Variants in SUGCT observed in about 807,000 individuals in gnomAD.
SUGCT encodes succinyl-CoA:glutarate CoA-transferase.
SUGCT carries 41 observed loss-of-function variants against 55.0 expected under a neutral mutation model. That is an observed-to-expected ratio of 0.74 (90% CI 0.58 to 0.97). SUGCT has a LOEUF of 0.97. Among genes scored for constraint, SUGCT ranks in the 50% least tolerant of loss-of-function variants. The probability of loss-of-function intolerance (pLI) is 0.00; values close to 1 mark genes in which losing one functional copy is unlikely to be tolerated. For synonymous variants in SUGCT, 187 were observed against 200.4 expected (o/e 0.93, Z 0.56); for missense variants, 568 against 547.8 (o/e 1.04, Z -0.37).
At chr7:40,876,987 T>C in the SUGCT span, among the ~76,000 whole-genome samples, 1 of 152,212 alleles carries the variant, frequency 6.6e-6, no homozygotes, top group Non-Finnish European at 1.5e-5. Flanking sequence ...AAAGCCTTTC[T>C]CTTCTTTAAT....
intron 9 of SUGCT, among the ~76,000 whole-genome samples, chr7:40,320,834 T>TA (rs1795686746): frequency 6.6e-6 from 1 of 152,220 alleles, no homozygotes; most frequent in Non-Finnish European, 1.5e-5. Flanking sequence ...GCAGGTTTGT[T>TA]ACATGCAAAT....
At chr7:40,621,915 T>C (rs149615586) in intron 12 of SUGCT, among the ~76,000 whole-genome samples, 207 of 152,222 alleles carry the variant, frequency 1.4e-3, no homozygotes, top group African/African-American at 4.8e-3. Context: ...ATTCTTACAT[T>C]CCCTCCCCCA....
intron 4 of SUGCT, among the ~76,000 whole-genome samples, chr7:40,189,100 T>C (rs1486615934): frequency 1.3e-5 from 2 of 152,204 alleles, no homozygotes; most frequent in African/African-American, 4.8e-5. Flanking sequence ...TCCCAGCACT[T>C]TGGGTGGCTG....
At chr7:40,449,469 T>C (rs1297663807) in intron 10 of SUGCT, 111 bp downstream of exon 10, 8 of 738,902 alleles carry the variant, frequency 1.1e-5, no homozygotes, top group Admixed American at 6.3e-5. Flanking sequence ...ACTAAAAGTA[T>C]AGGATATTCA....
At chr7:40,588,916 AT>A (rs1325700437) in intron 12 of SUGCT, among the ~76,000 whole-genome samples, 2 of 152,188 alleles carry the variant, frequency 1.3e-5, no homozygotes, top group African/African-American at 2.4e-5. Context: ...AGTAATATGC[AT>A]ACATTTGCAG....
intron 12 of SUGCT, among the ~76,000 whole-genome samples, chr7:40,715,201 C>T (rs761585704): frequency 1.8e-4 from 27 of 152,154 alleles, no homozygotes; most frequent in Non-Finnish European, 3.2e-4. Context: ...CATTCTTGAA[C>T]GATCTATTCA....
At chr7:40,179,211 A>G (rs1210290010) in intron 1 of SUGCT, among the ~76,000 whole-genome samples, 1 of 152,180 alleles carries the variant, frequency 6.6e-6, no homozygotes, top group Non-Finnish European at 1.5e-5. Flanking sequence ...CTATTGCCAT[A>G]TAACAAACCA....
At chr7:40,560,066 T>TA (rs1795755357) in intron 12 of SUGCT, among the ~76,000 whole-genome samples, 1 of 152,214 alleles carries the variant, frequency 6.6e-6, no homozygotes, top group South Asian at 2.1e-4. Flanking sequence ...TTATCCTATT[T>TA]AAAATATCTT....
chr7:40,938,723 C>T, the SUGCT span, among the ~76,000 whole-genome samples: 2 of 152,102 alleles, frequency 1.3e-5, no homozygotes, highest in Non-Finnish European at 2.9e-5. Context: ...TCCCACTCTT[C>T]CCACCAAGTC....
At chr7:40,800,053 G>A (rs898407244) in intron 13 of SUGCT, among the ~76,000 whole-genome samples, 1 of 152,248 alleles carries the variant, frequency 6.6e-6, no homozygotes. Context: ...GCAGACGTTT[G>A]TTTTCATTTC....
chr7:41,033,990 CAA>C, the SUGCT span, among the ~76,000 whole-genome samples: 2 of 152,198 alleles, frequency 1.3e-5, no homozygotes, highest in East Asian at 1.9e-4. Context: ...TGTCAAAATG[CAA>C]AGTTTCTGTC....
At chr7:40,374,239 T>C (rs1379739565) in intron 9 of SUGCT, among the ~76,000 whole-genome samples, 2 of 152,164 alleles carry the variant, frequency 1.3e-5, no homozygotes, top group Admixed American at 1.3e-4. Flanking sequence ...AAATCCACAA[T>C]TACAGTTTGA....
intron 12 of SUGCT, among the ~76,000 whole-genome samples, chr7:40,502,350 A>G (rs1792327245): frequency 6.6e-6 from 1 of 152,042 alleles, no homozygotes; most frequent in African/African-American, 2.4e-5. Flanking sequence ...ATTTGGGGGC[A>G]TTTTGCAACC....
At chr7:40,406,409 G>A (rs985519320) in intron 9 of SUGCT, among the ~76,000 whole-genome samples, 1 of 152,136 alleles carries the variant, frequency 6.6e-6, no homozygotes, top group African/African-American at 2.4e-5. Context: ...TGGTCCCCAA[G>A]CAAGGATGGG....
intron 13 of SUGCT, among the ~76,000 whole-genome samples, chr7:40,780,085 A>G (rs1056112694): frequency 6.6e-6 from 1 of 152,070 alleles, no homozygotes; most frequent in Admixed American, 6.6e-5. Context: ...TCCTCTTTCT[A>G]GAAGTGGTCA....
the SUGCT span, among the ~76,000 whole-genome samples, chr7:41,014,389 G>A: frequency 6.6e-6 from 1 of 152,142 alleles, no homozygotes; most frequent in Non-Finnish European, 1.5e-5. Context: ...AAACCTCAAA[G>A]TTAGATATTT....
At chr7:40,259,445 A>C (rs1015325400) in intron 7 of SUGCT, among the ~76,000 whole-genome samples, 3 of 152,332 alleles carry the variant, frequency 2.0e-5, no homozygotes, top group East Asian at 3.9e-4. Flanking sequence ...TCTCTAAGAC[A>C]GTAGATTTTT....
the SUGCT span, among the ~76,000 whole-genome samples, chr7:40,885,078 C>T: frequency 2.6e-5 from 4 of 152,174 alleles, no homozygotes; most frequent in Middle Eastern, 0.01. Flanking sequence ...TGGTACCTGC[C>T]AAATAATTCA....
chr7:40,508,339 A>G (rs1245720299), intron 12 of SUGCT, among the ~76,000 whole-genome samples: 1 of 152,064 alleles, frequency 6.6e-6, no homozygotes, highest in East Asian at 1.9e-4. Context: ...TGGGGATGGG[A>G]TGGGGGAAGG....
Sources: allele counts gnomAD v4.1 joint callset (sites outside exome capture counted in the v4.1 genomes callset), GRCh38; gene constraint gnomAD v4.1.1; transcripts MANE v1.5; gene names NCBI Gene and HGNC (gene_info 2026-07-23, HGNC 2026-07-21).